RARB: variants seen among roughly 807,000 people sequenced by gnomAD.
RARB encodes retinoic acid receptor beta, also known as HBV-activated protein.
RARB carries 17 observed loss-of-function variants against 51.9 expected under a neutral mutation model. The ratio of observed to expected loss-of-function variants is 0.33; its 90% CI spans 0.22 to 0.49. The LOEUF is 0.49. RARB is among the 20% of genes least tolerant of loss of function. RARB has a pLI of 0.99. For synonymous variants in RARB, 215 were observed against 195.4 expected (o/e 1.10, Z -0.84); for missense variants, 369 against 550.8 (o/e 0.67, Z 3.30).
chr3:25,235,711 G>C (rs1373839724), intron 5 of RARB, among the ~76,000 whole-genome samples: 11 of 152,222 alleles, frequency 7.2e-5, no homozygotes, highest in Admixed American at 5.9e-4. Context: ...GCAGAATGAA[G>C]ACATGCGTGC....
chr3:25,571,737 C>T (rs1164985596), intron 4 of RARB, among the ~76,000 whole-genome samples: 1 of 152,338 alleles, frequency 6.6e-6, no homozygotes, highest in African/African-American at 2.4e-5. Flanking sequence ...CCTAACGTCT[C>T]TCAGCCTCAG....
At chr3:25,136,753 G>T (rs755484982) in intron 4 of RARB, among the ~76,000 whole-genome samples, 10 of 151,970 alleles carry the variant, frequency 6.6e-5, no homozygotes, top group South Asian at 2.1e-4. Flanking sequence ...ACCAAAGGAT[G>T]GGGGGAGAGT....
intron 4 of RARB, among the ~76,000 whole-genome samples, chr3:25,159,015 A>C (rs1700426157): frequency 6.6e-6 from 1 of 152,106 alleles, no homozygotes; most frequent in South Asian, 2.1e-4. Context: ...GCCCCCAGCT[A>C]GATGCAGAAG....
intron 2 of RARB, among the ~76,000 whole-genome samples, chr3:25,053,838 C>A (rs1698386427): frequency 6.6e-6 from 1 of 152,148 alleles, no homozygotes; most frequent in Non-Finnish European, 1.5e-5. Flanking sequence ...CTCTTCCTTG[C>A]TGACCTAAGA....
intron 5 of RARB, among the ~76,000 whole-genome samples, chr3:25,356,601 G>A (rs982347455): frequency 6.6e-6 from 1 of 151,928 alleles, no homozygotes; most frequent in Admixed American, 6.6e-5. Flanking sequence ...TGCCATGGTG[G>A]TTTGCTGCAC....
chr3:24,902,665 C>CTG (rs1703633779), intron 2 of RARB, among the ~76,000 whole-genome samples: 1 of 152,130 alleles, frequency 6.6e-6, no homozygotes, highest in Non-Finnish European at 1.5e-5. Context: ...GTCTCTGTCT[C>CTG]TCTTTCTGTT....
intron 2 of RARB, among the ~76,000 whole-genome samples, chr3:24,918,511 C>G (rs571766776): frequency 3.3e-5 from 5 of 152,086 alleles, no homozygotes; most frequent in African/African-American, 7.2e-5. Flanking sequence ...TACCAAAAAC[C>G]ATTAAATTAT....
chr3:25,368,024 GT>G (rs1706183120), intron 5 of RARB, among the ~76,000 whole-genome samples: 1 of 152,030 alleles, frequency 6.6e-6, no homozygotes. Flanking sequence ...TTAAGCCTAA[GT>G]TTTTTACAAA....
At chr3:25,457,834 A>G (rs1255006303) in intron 1 of RARB, among the ~76,000 whole-genome samples, 1 of 152,154 alleles carries the variant, frequency 6.6e-6, no homozygotes, top group Non-Finnish European at 1.5e-5. Flanking sequence ...GACAGGCCAG[A>G]TTAGCTGTTC....
upstream of RARB, among the ~76,000 whole-genome samples, chr3:25,428,083 G>C (rs989311638): frequency 6.6e-6 from 1 of 152,166 alleles, no homozygotes; most frequent in Non-Finnish European, 1.5e-5. Flanking sequence ...CGGCTTGTGC[G>C]CTCGCTGCCT....
intron 3 of RARB, among the ~76,000 whole-genome samples, chr3:25,535,561 G>GC (rs1559455738): frequency 1.3e-5 from 2 of 151,876 alleles, no homozygotes; most frequent in African/African-American, 2.4e-5. Flanking sequence ...CCATCCTCTA[G>GC]CCCCCCAGCC....
rs746751362 is a variant in RARB at position 24,904,954 on chromosome 3, G to GT, written c.-380+46204dup. 3.9e-5 allele frequency among the ~76,000 whole-genome samples: 6 copies of GT among 152,300 alleles called. No individual in the cohort carries two copies. The South Asian group carries it at 1.2e-3, about 32-fold the overall frequency. On this transcript the variant is annotated intron_variant, in intron 2 of 11. Transcript: ENST00000383772. ...GCGTGTTCTCAGTCGTTAAGTGGGAGTTGAACAATGAAAACACATGGGCAC... is the reference window on the plus strand; with the variant it reads ...GCGTGTTCTCAGTCGTTAAGTGGGAGTTTGAACAATGAAAACACATGGGCAC...
rs368529904 is a variant in RARB at position 25,417,282 on chromosome 3, C to T, written c.179-43911C>T. ...AGCTGTTCCCTAATTTCCTAATGTTCCCTGCCACTGACCAGTCCTCCCAGC... is the reference window on the plus strand; with the variant it reads ...AGCTGTTCCCTAATTTCCTAATGTTTCCTGCCACTGACCAGTCCTCCCAGC... On this transcript the variant is annotated intron_variant, in intron 5 of 11. Coordinates refer to the RARB transcript ENST00000383772. Among the ~76,000 whole-genome samples the T allele has an allele frequency of 4.0e-5, 6 of 151,866 alleles. No individual in the cohort carries two copies. The East Asian group carries it at 1.2e-3, about 29-fold the overall frequency.
At chr3:25,506,471 G>C (rs925040761) in intron 3 of RARB, among the ~76,000 whole-genome samples, 4 of 152,008 alleles carry the variant, frequency 2.6e-5, no homozygotes, top group Admixed American at 2.0e-4. Context: ...AGCTGAGAGT[G>C]ATGGTGTGGA....
intron 3 of RARB, among the ~76,000 whole-genome samples, chr3:25,100,102 A>G (rs1303232024): frequency 1.3e-5 from 2 of 152,114 alleles, no homozygotes; most frequent in African/African-American, 4.8e-5. Context: ...TCATTCATTC[A>G]TCCCTGGATT....
intron 2 of RARB, among the ~76,000 whole-genome samples, chr3:24,948,289 G>A (rs1695816771): frequency 1.3e-5 from 2 of 152,200 alleles, no homozygotes; most frequent in South Asian, 2.1e-4. Flanking sequence ...GTCAGATGGA[G>A]ATACAGGAAA....
In RARB at chr3:25,115,760, CA is replaced by C. The variant is rs1392518149; in HGVS notation, c.-327-16398del. ...CATTGCAGCCTCAAGCTCCTGGGCTCAAACTACAGCACATGCCATCACACTC... is the reference window on the plus strand; with the variant it reads ...CATTGCAGCCTCAAGCTCCTGGGCTCAACTACAGCACATGCCATCACACTC... On this transcript the variant is annotated intron_variant, in intron 3 of 11. Coordinates refer to the RARB transcript ENST00000383772. Among the ~76,000 whole-genome samples, 6 of 151,956 alleles carry C rather than the reference CA, an allele frequency of 3.9e-5. No individual in the cohort carries two copies. In the East Asian group the frequency reaches 1.2e-3, roughly 30 times the overall value.
At chr3:25,486,866 G>T (rs969574315) in intron 2 of RARB, among the ~76,000 whole-genome samples, 23 of 152,066 alleles carry the variant, frequency 1.5e-4, no homozygotes, top group Admixed American at 1.1e-3. Context: ...TTTCAATCAG[G>T]TTCCAGTCAC....
chr3:24,861,409 G>A (rs928493588), intron 2 of RARB, among the ~76,000 whole-genome samples: 1 of 152,062 alleles, frequency 6.6e-6, no homozygotes, highest in Non-Finnish European at 1.5e-5. Flanking sequence ...TTAATACAGA[G>A]AGGTGGTTCC....
Sources: allele counts gnomAD v4.1 joint callset (sites outside exome capture counted in the v4.1 genomes callset), GRCh38; gene constraint gnomAD v4.1.1; transcripts MANE v1.5; gene names NCBI Gene and HGNC (gene_info 2026-07-23, HGNC 2026-07-21).